The following ASIC2 variants were observed in gnomAD, a reference collection of about 807,000 sequenced individuals.
ASIC2 encodes the protein acid sensing ion channel subunit 2.
In ASIC2, 25 loss-of-function variants were observed where a neutral mutation model predicts 57.3. The ratio of observed to expected loss-of-function variants is 0.44; its 90% CI spans 0.32 to 0.61. ASIC2 has a LOEUF of 0.61. ASIC2 is among the 20% of genes least tolerant of loss of function. The pLI, the probability that ASIC2 is intolerant of heterozygous loss-of-function variation, is 0.06. For missense variants in ASIC2, 641 were observed against 738.1 expected (o/e 0.87, Z 1.52); for synonymous variants, 319 against 307.5 (o/e 1.04, Z -0.39).
At chr17:33,794,860 C>T (rs1004074454) in intron 1 of ASIC2, 7 of 152,100 alleles carry the variant, frequency 4.6e-5, no homozygotes, top group African/African-American at 1.4e-4. Flanking sequence ...GTAGAGAAAA[C>T]ACCAGGACTG....
chr17:33,565,365 G>A (rs1163101106), intron 1 of ASIC2, among the ~76,000 whole-genome samples: 1 of 152,178 alleles, frequency 6.6e-6, no homozygotes, highest in African/African-American at 2.4e-5. Context: ...GGTTCTGGGA[G>A]GACATAATAG....
At chr17:33,470,712 C>G (rs1251917869) in intron 1 of ASIC2, among the ~76,000 whole-genome samples, 1 of 152,140 alleles carries the variant, frequency 6.6e-6, no homozygotes, top group Non-Finnish European at 1.5e-5. Context: ...CAAATGCATG[C>G]TTCTCTATCT....
At chr17:33,592,900 A>C (rs1286511482) in intron 1 of ASIC2, among the ~76,000 whole-genome samples, 2 of 152,194 alleles carry the variant, frequency 1.3e-5, no homozygotes, top group South Asian at 4.1e-4. Context: ...TCTTCTTTCC[A>C]TTCTGCTGTG....
chr17:33,671,861 A>G (rs956843516), intron 1 of ASIC2, among the ~76,000 whole-genome samples: 1 of 152,284 alleles, frequency 6.6e-6, no homozygotes, highest in African/African-American at 2.4e-5. Flanking sequence ...CGCTAATGAA[A>G]CAGAAGTCAG....
intron 1 of ASIC2, among the ~76,000 whole-genome samples, chr17:33,268,634 G>C (rs1014836762): frequency 2.6e-5 from 4 of 152,134 alleles, no homozygotes; most frequent in African/African-American, 7.2e-5. Flanking sequence ...ACTTGAGTGG[G>C]CACTTTGGAG....
intron 1 of ASIC2, among the ~76,000 whole-genome samples, chr17:33,280,558 G>C (rs1904900873): frequency 6.6e-6 from 1 of 152,170 alleles, no homozygotes; most frequent in Non-Finnish European, 1.5e-5. Flanking sequence ...CCCAAAACTG[G>C]TATGAGGATC....
At chr17:33,298,847 A>G (rs1268634279) in intron 1 of ASIC2, among the ~76,000 whole-genome samples, 1 of 152,230 alleles carries the variant, frequency 6.6e-6, no homozygotes, top group African/African-American at 2.4e-5. Context: ...CAATTGCTTC[A>G]AAGCGAATAA....
intron 1 of ASIC2, among the ~76,000 whole-genome samples, chr17:33,434,620 G>A (rs1386076893): frequency 6.6e-6 from 1 of 152,188 alleles, no homozygotes; most frequent in Non-Finnish European, 1.5e-5. Context: ...TGACTTTTAT[G>A]TACAAAGGAC....
intron 1 of ASIC2, among the ~76,000 whole-genome samples, chr17:34,026,742 C>T (rs1224069483): frequency 6.6e-6 from 1 of 152,150 alleles, no homozygotes; most frequent in Non-Finnish European, 1.5e-5. Context: ...TAAGCCAATT[C>T]ACCTCATTTT....
At chr17:33,760,281 A>AAT (rs1197391194) in intron 1 of ASIC2, among the ~76,000 whole-genome samples, 2 of 151,900 alleles carry the variant, frequency 1.3e-5, no homozygotes, top group Non-Finnish European at 1.5e-5. Flanking sequence ...TATTTTATGG[A>AAT]ATATATATAT....
intron 1 of ASIC2, among the ~76,000 whole-genome samples, chr17:34,013,442 A>T (rs1906841821): frequency 6.6e-6 from 1 of 152,238 alleles, no homozygotes; most frequent in African/African-American, 2.4e-5. Flanking sequence ...CCATACATGC[A>T]ATGGAGTCAA....
At position 33,292,556 on chromosome 17, in the gene ASIC2, C is replaced by A; in HGVS notation, c.-441G>T. 1 of 985,846 alleles carries A rather than the reference C, an allele frequency of 1.0e-6. No individual in the cohort carries two copies. The highest frequency in any genetic ancestry group is 1.2e-6 in the Non-Finnish European group (1 of 830,296). 61.1% of individuals were successfully genotyped at this position (985,846 alleles called of 1,614,324 possible). A position where few individuals can be genotyped will look rare whatever the true frequency, so the allele number is the denominator to read the frequency against. ...GCCTAACCCCAGCTTTTACGCTGGT[C>A]CTGGGAGAAGGGCCACTCGGCCACC... On this transcript the variant is annotated 5_prime_UTR_variant, in exon 1 of 10. Transcript: ENST00000225823.
intron 1 of ASIC2, among the ~76,000 whole-genome samples, chr17:33,269,065 T>C (rs1904338967): frequency 6.6e-6 from 1 of 152,216 alleles, no homozygotes; most frequent in Non-Finnish European, 1.5e-5. Context: ...TTGATATGTC[T>C]TTCTTCTGTG....
At chr17:33,322,716 A>T (rs1427370752) in intron 1 of ASIC2, among the ~76,000 whole-genome samples, 4 of 152,146 alleles carry the variant, frequency 2.6e-5, no homozygotes, top group Admixed American at 1.3e-4. Flanking sequence ...GTGCCAACAA[A>T]ATGAATAAGA....
intron 1 of ASIC2, among the ~76,000 whole-genome samples, chr17:33,492,971 T>C (rs1913807952): frequency 6.6e-6 from 1 of 152,210 alleles, no homozygotes. Flanking sequence ...CTGAAATCTC[T>C]CCAGAACCTT....
intron 1 of ASIC2, chr17:34,039,398 G>A: frequency 1.2e-6 from 2 of 1,613,932 alleles, no homozygotes; most frequent in South Asian, 1.1e-5. Flanking sequence ...TCTGTGTCAA[G>A]CCGAGGTTTT....
Position 33,970,412 on chromosome 17 carries a change from T to A in ASIC2, c.555+185566A>T, listed in dbSNP as rs745414549. Among the ~76,000 whole-genome samples, 263 of 152,240 alleles carry A rather than the reference T, an allele frequency of 1.7e-3. 2 individuals carry two copies. Among genetic ancestry groups the A allele is most frequent in the Middle Eastern group, 3.4e-3 (1 of 294 alleles). ...AGTGGGATGCTGCACTTGGAACACATCCCAGAGACAGGCAGTGCCCACACC... is the reference window on the plus strand; with the variant it reads ...AGTGGGATGCTGCACTTGGAACACAACCCAGAGACAGGCAGTGCCCACACC... On this transcript the variant is annotated intron_variant, in intron 1 of 9. Coordinates refer to the ASIC2 transcript ENST00000359872.
At chr17:33,582,182 C>T (rs574887261) in intron 1 of ASIC2, among the ~76,000 whole-genome samples, 1 of 152,270 alleles carries the variant, frequency 6.6e-6, no homozygotes, top group East Asian at 1.9e-4. Flanking sequence ...ATGTAATCTA[C>T]AAAATAGGAG....
intron 1 of ASIC2, among the ~76,000 whole-genome samples, chr17:33,659,695 C>T (rs553847179): frequency 6.6e-6 from 1 of 151,980 alleles, no homozygotes; most frequent in South Asian, 2.1e-4. Flanking sequence ...ATGGTGAAAC[C>T]CCATCTCTAC....
Sources: allele counts gnomAD v4.1 joint callset (sites outside exome capture counted in the v4.1 genomes callset), GRCh38; gene constraint gnomAD v4.1.1; transcripts MANE v1.5; gene names NCBI Gene and HGNC (gene_info 2026-07-23, HGNC 2026-07-21).